AGPS: variants seen among roughly 807,000 people sequenced by gnomAD.
The protein encoded by AGPS is alkylglycerone phosphate synthase.
A neutral mutation model predicts 90.7 loss-of-function variants in AGPS; 26 were observed. The ratio of observed to expected loss-of-function variants is 0.29; its 90% CI spans 0.21 to 0.40. The LOEUF (loss-of-function observed/expected upper bound fraction) is 0.40. Ranked by LOEUF, AGPS falls within the 10% of genes least tolerant of loss-of-function variation. The pLI, the probability that AGPS is intolerant of heterozygous loss-of-function variation, is 1.00. For missense variants in AGPS, 540 were observed against 816.1 expected (o/e 0.66, Z 4.12); for synonymous variants, 294 against 285.3 (o/e 1.03, Z -0.31).
At chr2:177,445,052 G>A (rs997156881) in intron 7 of AGPS, among the ~76,000 whole-genome samples, 1 of 152,096 alleles carries the variant, frequency 6.6e-6, no homozygotes, top group Non-Finnish European at 1.5e-5. Flanking sequence ...CTTGCAGATT[G>A]TTTTTTCTAA....
intron 19 of AGPS, among the ~76,000 whole-genome samples, chr2:177,534,609 A>G (rs1221724511): frequency 7.8e-6 from 1 of 129,010 alleles, no homozygotes; most frequent in African/African-American, 3.0e-5. Flanking sequence ...TTTGTGAGCT[A>G]TGGAGTCTCG....
chr2:177,528,849 CTT>C (rs71008000), intron 19 of AGPS, among the ~76,000 whole-genome samples: 1 of 79,142 alleles, frequency 1.3e-5, no homozygotes, highest in Non-Finnish European at 2.2e-5. Flanking sequence ...CATATTAATC[CTT>C]TTTTTTTTTT....
intron 5 of AGPS, among the ~76,000 whole-genome samples, chr2:177,438,527 TA>T (rs1424733191): frequency 6.6e-6 from 1 of 152,216 alleles, no homozygotes; most frequent in Non-Finnish European, 1.5e-5. Flanking sequence ...CCTCCCATTT[TA>T]TTGGTTCCCT....
intron 9 of AGPS, 61 bp from the exon 10 acceptor site, chr2:177,468,355 T>C: frequency 3.0e-6 from 3 of 989,094 alleles, no homozygotes; most frequent in Non-Finnish European, 3.2e-6. Flanking sequence ...TAAATGTCTG[T>C]ACATAGACAC....
intron 2 of AGPS, among the ~76,000 whole-genome samples, chr2:177,422,526 T>TG: frequency 6.6e-6 from 1 of 152,300 alleles, no homozygotes; most frequent in Middle Eastern, 3.4e-3. Context: ...TTCATCTGAC[T>TG]GGAAGAGCCT....
At chr2:177,512,194 G>A (rs1166927066) in intron 16 of AGPS, among the ~76,000 whole-genome samples, 2 of 151,616 alleles carry the variant, frequency 1.3e-5, no homozygotes, top group African/African-American at 4.8e-5. Flanking sequence ...TTAAATATTT[G>A]TTTTATAAGG....
At chr2:177,528,991 G>T (rs2105739658) in intron 19 of AGPS, among the ~76,000 whole-genome samples, 1 of 151,624 alleles carries the variant, frequency 6.6e-6, no homozygotes, top group Non-Finnish European at 1.5e-5. Flanking sequence ...GAGTAGCTGG[G>T]ATTACAGGCT....
At chr2:177,516,505 A>C (rs1236260914) in intron 17 of AGPS, among the ~76,000 whole-genome samples, 1 of 152,126 alleles carries the variant, frequency 6.6e-6, no homozygotes, top group African/African-American at 2.4e-5. Flanking sequence ...TCTATTGTAA[A>C]AGGTGTTAGA....
intron 8 of AGPS, among the ~76,000 whole-genome samples, chr2:177,457,251 A>G (rs1687148086): frequency 6.6e-6 from 1 of 152,232 alleles, no homozygotes; most frequent in African/African-American, 2.4e-5. Flanking sequence ...TGAGGATCTA[A>G]AATTGACACC....
At chr2:177,508,887 T>C (rs1039466010) in intron 16 of AGPS, among the ~76,000 whole-genome samples, 1 of 152,216 alleles carries the variant, frequency 6.6e-6, no homozygotes, top group Admixed American at 6.5e-5. Flanking sequence ...ATGTTGGTAC[T>C]CAAAAACTCT....
intron 5 of AGPS, among the ~76,000 whole-genome samples, chr2:177,438,831 G>A (rs781523601): frequency 1.3e-5 from 2 of 152,080 alleles, no homozygotes; most frequent in Non-Finnish European, 2.9e-5. Context: ...AAGTTATTAA[G>A]TCACTGAGGT....
chr2:177,469,020 T>C (rs887579241), intron 10 of AGPS, among the ~76,000 whole-genome samples: 1 of 152,128 alleles, frequency 6.6e-6, no homozygotes, highest in Non-Finnish European at 1.5e-5. Context: ...ACAAATAGTA[T>C]CATTTTCTTG....
chr2:177,455,569 C>T (rs1267855515), intron 8 of AGPS, among the ~76,000 whole-genome samples: 3 of 152,016 alleles, frequency 2.0e-5, no homozygotes, highest in East Asian at 1.9e-4. Flanking sequence ...GTTAGGATTA[C>T]AGGTGTGAGC....
chr2:177,524,323 G>A (rs571630369), intron 19 of AGPS, among the ~76,000 whole-genome samples: 1 of 152,044 alleles, frequency 6.6e-6, no homozygotes, highest in Non-Finnish European at 1.5e-5. Context: ...GGTAAGTATC[G>A]AGTGTTGTCA....
chr2:177,523,713 C>T, intron 18 of AGPS, 35 bp from the exon 19 acceptor site: 1 of 1,597,200 alleles, frequency 6.3e-7, no homozygotes, highest in Non-Finnish European at 8.6e-7. Flanking sequence ...TGAAATCTAA[C>T]TAGCAACAAT....
intron 10 of AGPS, among the ~76,000 whole-genome samples, chr2:177,477,875 A>G (rs1230954526): frequency 6.6e-6 from 1 of 152,130 alleles, no homozygotes; most frequent in Non-Finnish European, 1.5e-5. Flanking sequence ...TTTTATACCA[A>G]TGCTTTTTAA....
chr2:177,482,576 A>G (rs1418314223), intron 11 of AGPS, among the ~76,000 whole-genome samples: 1 of 152,094 alleles, frequency 6.6e-6, no homozygotes, highest in African/African-American at 2.4e-5. Flanking sequence ...AAATTGAGAC[A>G]TTTATTGAAA....
intron 19 of AGPS, among the ~76,000 whole-genome samples, chr2:177,528,321 C>T (rs1309226954): frequency 3.9e-5 from 6 of 152,164 alleles, no homozygotes; most frequent in Non-Finnish European, 8.8e-5. Context: ...TCAATGGTTT[C>T]TTCTCACATT....
chr2:177,440,237 C>T (rs1686560051), intron 5 of AGPS, among the ~76,000 whole-genome samples: 2 of 151,866 alleles, frequency 1.3e-5, no homozygotes, highest in Non-Finnish European at 2.9e-5. Context: ...TTAATTTTGA[C>T]AAGAAACAGA....
Sources: gnomAD v4.1 joint callset for allele counts (sites outside exome capture counted in the v4.1 genomes callset) on GRCh38, gnomAD v4.1.1 for gene constraint, MANE v1.5 for transcripts, NCBI Gene and HGNC (gene_info 2026-07-23, HGNC 2026-07-21) for gene names.